SEPTIN6: variants seen among roughly 807,000 people sequenced by gnomAD.
SEPTIN6 encodes the protein septin-6.
SEPTIN6 carries 8 observed loss-of-function variants against 33.6 expected under a neutral mutation model. The ratio of observed to expected loss-of-function variants is 0.24; its 90% CI spans 0.14 to 0.43. The LOEUF (loss-of-function observed/expected upper bound fraction) is 0.43, where lower values mean the gene tolerates loss of function less well. SEPTIN6 is among the 20% of genes least tolerant of loss of function. The pLI, the probability that SEPTIN6 is intolerant of heterozygous loss-of-function variation, is 1.00. For synonymous variants in SEPTIN6, 131 were observed against 140.0 expected (o/e 0.94, Z 0.45); for missense variants, 250 against 340.8 (o/e 0.73, Z 2.10).
At chrX:119,690,035 C>T (rs916474918) in intron 1 of SEPTIN6, among the ~76,000 whole-genome samples, 8 of 111,522 alleles carry the variant, frequency 7.2e-5, no homozygotes, top group African/African-American at 1.6e-4. Context: ...AGTCCGATCA[C>T]GAACGTTTTT....
intron 10 of SEPTIN6, among the ~76,000 whole-genome samples, chrX:119,624,422 G>A (rs1180893374): frequency 4.5e-5 from 5 of 110,797 alleles, no homozygotes; most frequent in Admixed American, 9.7e-5. Flanking sequence ...TGATCCGCCC[G>A]CCTCGGCCTC....
At chrX:119,674,554 T>C (rs1286021564) in intron 2 of SEPTIN6, among the ~76,000 whole-genome samples, 5 of 111,727 alleles carry the variant, frequency 4.5e-5, no homozygotes, top group Admixed American at 3.8e-4. Flanking sequence ...AGTGCTTTCA[T>C]GTGCTCAAGA....
chrX:119,678,518 CAA>C (rs369089822), intron 1 of SEPTIN6, among the ~76,000 whole-genome samples: 2 of 93,042 alleles, frequency 2.1e-5, no homozygotes. Context: ...GACTCCGTCT[CAA>C]AAAAAAAAAA....
rs779455590 is a variant in SEPTIN6 at position 119,678,258 on chromosome X, T to C, written c.31-2590A>G. On this transcript the variant is annotated intron_variant, in intron 1 of 10. Coordinates refer to ENST00000394610, the MANE Select transcript of SEPTIN6 (RefSeq NM_145799.4). ...TGTCTCGGCCGGGCGCGGTGGCTCA[T>C]GCCTGTAATCTCAGCACTTTGGGAG... is the stretch of plus-strand genomic sequence containing the variant. 3.3e-3 allele frequency among the ~76,000 whole-genome samples: 362 copies of C among 108,388 alleles called. 2 individuals carry two copies. Among genetic ancestry groups the C allele is most frequent in the Non-Finnish European group, 5.3e-3 (278 of 52,027 alleles). The allele number at this position is 108,388 out of a possible 115,157, so 94.1% of individuals were successfully genotyped here. A position where few individuals can be genotyped will look rare whatever the true frequency, so the allele number is the denominator to read the frequency against.
intron 5 of SEPTIN6, among the ~76,000 whole-genome samples, chrX:119,645,514 C>T (rs1232190348): frequency 9.0e-6 from 1 of 110,969 alleles, no homozygotes; most frequent in Non-Finnish European, 1.9e-5. Context: ...CCTCCTGCCT[C>T]AGCCTCCTGA....
Position 119,617,147 on chromosome X carries a change from T to TGTGTGTGTGG in SEPTIN6, c.*2945_*2946insCCACACACAC. 1.8e-6 allele frequency: 1 copy of TGTGTGTGTGG among 562,523 alleles called. No individual in the cohort carries two copies. Among genetic ancestry groups the TGTGTGTGTGG allele is most frequent in the Non-Finnish European group, 2.2e-6 (1 of 464,363 alleles). 46.4% of individuals were successfully genotyped at this position (562,523 alleles called of 1,213,427 possible). A position where few individuals can be genotyped will look rare whatever the true frequency, so the allele number is the denominator to read the frequency against. On this transcript the variant is annotated 3_prime_UTR_variant, in exon 11 of 11. Coordinates refer to ENST00000394610, the MANE Select transcript of SEPTIN6 (RefSeq NM_145799.4). ...GTGTGTGTGTGTGTGTGTGTGTGTG[T>TGTGTGTGTGG]GTTTCAGAAAAGCCACTCCAGTCTG...
At chrX:119,649,763 T>C (rs1243340723) in intron 5 of SEPTIN6, among the ~76,000 whole-genome samples, 174 bp downstream of exon 5, 12 of 109,775 alleles carry the variant, frequency 1.1e-4, no homozygotes, top group Non-Finnish European at 9.5e-5. Context: ...CCCAGCTACT[T>C]GGGAGGCTAA....
At chrX:119,683,190 T>C (rs914849414) in intron 1 of SEPTIN6, among the ~76,000 whole-genome samples, 8 of 110,417 alleles carry the variant, frequency 7.2e-5, no homozygotes, top group African/African-American at 2.0e-4. Context: ...GAGGCGGAGG[T>C]TGCAATGAGC....
intron 7 of SEPTIN6, among the ~76,000 whole-genome samples, chrX:119,634,761 C>T (rs1339743021): frequency 9.0e-6 from 1 of 110,904 alleles, no homozygotes; most frequent in African/African-American, 3.3e-5. Flanking sequence ...GTAATCTCAG[C>T]ACTTTGGGAG....
chrX:119,681,393 T>C lies in SEPTIN6; in HGVS notation c.31-5725A>G, dbSNP rs367994174. ...TGACAGTAAATCTCAAGTTTTCATC[T>C]TTAGTAGCAGGTGGTGCCATATTAC... On this transcript the variant is annotated intron_variant, in intron 1 of 10. Coordinates refer to ENST00000394610, the MANE Select transcript of SEPTIN6 (RefSeq NM_145799.4). 2.0e-4 allele frequency among the ~76,000 whole-genome samples: 22 copies of C among 111,682 alleles called. No homozygotes were observed. In the East Asian group the frequency reaches 5.3e-3, roughly 27 times the overall value.
intron 3 of SEPTIN6, among the ~76,000 whole-genome samples, chrX:119,655,181 C>T (rs2054419493): frequency 9.0e-6 from 1 of 110,794 alleles, no homozygotes; most frequent in Admixed American, 9.7e-5. Flanking sequence ...CTCTCGGAAG[C>T]TCTCAAGATG....
chrX:119,653,365 T>C (rs185776158), intron 3 of SEPTIN6, among the ~76,000 whole-genome samples: 2 of 112,505 alleles, frequency 1.8e-5, no homozygotes, highest in Admixed American at 9.4e-5. Flanking sequence ...CAGAAATCCC[T>C]TCTGCGAGTC....
intron 8 of SEPTIN6, among the ~76,000 whole-genome samples, chrX:119,631,794 G>T (rs189483321): frequency 0.026 from 2,821 of 107,333 alleles, 88 homozygotes; most frequent in African/African-American, 0.09. Context: ...ATGGAGTCTC[G>T]CTCTGTTGCC....
At chrX:119,626,691 GTTC>G (rs1453874009) in intron 9 of SEPTIN6, among the ~76,000 whole-genome samples, 1 of 109,966 alleles carries the variant, frequency 9.1e-6, no homozygotes, top group Admixed American at 9.7e-5. Context: ...TGGTGAAGAT[GTTC>G]TTTTTTTTTT....
At chrX:119,673,866 GAAAGA>G (rs1286686974) in intron 2 of SEPTIN6, among the ~76,000 whole-genome samples, 1 of 98,220 alleles carries the variant, frequency 1.0e-5, no homozygotes, top group African/African-American at 3.7e-5. Context: ...AAAAAAGAAA[GAAAGA>G]AAAGAAAAGA....
intron 8 of SEPTIN6, among the ~76,000 whole-genome samples, chrX:119,630,045 A>G (rs1293750445): frequency 8.9e-6 from 1 of 111,857 alleles, no homozygotes; most frequent in Non-Finnish European, 1.9e-5. Context: ...ACCTGAACCC[A>G]GGAGGCGGAG....
Position 119,629,500 on chromosome X carries a change from C to G in SEPTIN6, c.1098G>C (p.Glu366Asp), listed in dbSNP as rs1261601310. The change falls in exon 9 of 11, where the codon GAG becomes GAC. Residue 366 changes from glutamate (E) to aspartate (D), a missense_variant. By Grantham distance (45) the Glu-to-Asp change is conservative. This residue lies in a region of SEPTIN6 where 139 missense variants were observed against 227.0 expected (regional missense o/e 0.61). Transcript: ENST00000394610. ...GCAGTTTCTTCAGACGGTCAAACTT[C>G]TCGTGCAGCTGGCAGGGAAGCACAG... ...ELKEAEKELH[E>D]KFDRLKKLHQ... 1 of 1,210,581 alleles carries G rather than the reference C, an allele frequency of 8.3e-7. No homozygotes were observed. The highest frequency in any genetic ancestry group is 1.1e-6 in the Non-Finnish European group (1 of 894,775).
At chrX:119,678,518 C>CAA (rs369089822) in intron 1 of SEPTIN6, among the ~76,000 whole-genome samples, 98 of 93,054 alleles carry the variant, frequency 1.1e-3, no homozygotes, top group African/African-American at 3.7e-3. Flanking sequence ...GACTCCGTCT[C>CAA]AAAAAAAAAA....
chrX:119,664,139 G>A (rs151225585), intron 2 of SEPTIN6, among the ~76,000 whole-genome samples: 2,585 of 110,188 alleles, frequency 0.023, 81 homozygotes, highest in African/African-American at 0.08. Context: ...ACCCGCCACC[G>A]TGCCCAGCTA....
Sources: gnomAD v4.1 joint callset for allele counts (sites outside exome capture counted in the v4.1 genomes callset) on GRCh38, gnomAD v4.1.1 for gene constraint, gnomAD v4.1.1 regional missense constraint, MANE v1.5 for transcripts, NCBI Gene and HGNC (gene_info 2026-07-23, HGNC 2026-07-21) for gene names.